SPART: variants seen among roughly 807,000 people sequenced by gnomAD.
SPART encodes the protein spastic paraplegia 20 (Troyer syndrome).
In SPART, 35 loss-of-function variants were observed where a neutral mutation model predicts 58.7. The observed-to-expected ratio is 0.60, with a 90% CI of 0.46 to 0.79. SPART has a LOEUF of 0.79. Ranked by LOEUF, SPART falls within the 30% of genes least tolerant of loss-of-function variation. The probability of loss-of-function intolerance (pLI) is 0.00; values close to 1 mark genes in which losing one functional copy is unlikely to be tolerated. For synonymous variants in SPART, 284 were observed against 280.7 expected, an observed-to-expected ratio of 1.01 and a Z score of -0.12; for missense variants, 730 against 786.1, an observed-to-expected ratio of 0.93 and a Z score of 0.85.
chr13:36,301,791 GTC>G lies in SPART; in HGVS notation c.*2572_*2573del, dbSNP rs1880010509. The G allele has an allele frequency of 6.6e-6, 1 of 152,116 alleles. No individual in the cohort carries two copies. Among genetic ancestry groups the G allele is most frequent in the South Asian group, 2.1e-4 (1 of 4,828 alleles). 9.4% of individuals were successfully genotyped at this position (152,116 alleles called of 1,614,324 possible). On this transcript the variant is annotated 3_prime_UTR_variant, in exon 9 of 9. Coordinates refer to ENST00000438666, the MANE Select transcript of SPART (RefSeq NM_015087.5). ...CAACAACTCCACTCTTACGCATAAA[GTC>G]TCTTGCATATGTGTACCAGGGGACA...
intron 8 of SPART, among the ~76,000 whole-genome samples, chr13:36,308,944 T>C (rs1265572668): frequency 2.0e-5 from 3 of 152,124 alleles, no homozygotes; most frequent in Non-Finnish European, 4.4e-5. Flanking sequence ...CTCTCAACTC[T>C]TGGTAAAACT....
chr13:36,370,082 T>A (rs1886212099), intron 1 of SPART: 1 of 152,228 alleles, frequency 6.6e-6, no homozygotes, highest in African/African-American at 2.4e-5. Flanking sequence ...TTTATCTCTT[T>A]ACTCACTCAA....
chr13:36,341,673 A>G (rs1211023479), intron 1 of SPART, among the ~76,000 whole-genome samples: 1 of 152,230 alleles, frequency 6.6e-6, no homozygotes, highest in Non-Finnish European at 1.5e-5. Context: ...GCATCACAGA[A>G]AGCATTCATT....
intron 1 of SPART, among the ~76,000 whole-genome samples, chr13:36,353,075 T>C (rs1885482788): frequency 6.6e-6 from 1 of 152,262 alleles, no homozygotes; most frequent in Non-Finnish European, 1.5e-5. Context: ...TTTGCTGTTG[T>C]GATGTATGAA....
At chr13:36,338,986 C>T (rs1884294027) in intron 1 of SPART, among the ~76,000 whole-genome samples, 1 of 151,884 alleles carries the variant, frequency 6.6e-6, no homozygotes, top group South Asian at 2.1e-4. Context: ...CACACACAGA[C>T]ACACACACAG....
chr13:36,335,552 T>C lies in SPART; in HGVS notation c.279A>G (p.Glu93=). The C allele has an allele frequency of 6.2e-7, 1 of 1,614,190 alleles. No homozygotes were observed. Among genetic ancestry groups the C allele is most frequent in the Non-Finnish European group, 8.5e-7 (1 of 1,180,044 alleles). Residue 93 remains glutamate (E), a synonymous_variant, in exon 2 of 9, where the codon GAA becomes GAG. Coordinates refer to ENST00000438666, the MANE Select transcript of SPART (RefSeq NM_015087.5). ...AAGTGGCAAGACCCTTCTCTAGAATTTCCAGCCTGGTGCGTACATTCTGTA... is the reference window on the plus strand; with the variant it reads ...AAGTGGCAAGACCCTTCTCTAGAATCTCCAGCCTGGTGCGTACATTCTGTA... ...ETLQNVRTRL[E]ILEKGLATSL...
At position 36,329,436 on chromosome 13, in the gene SPART, C is replaced by T; in HGVS notation, c.1090G>A (p.Ala364Thr). 6.2e-7 allele frequency: 1 copy of T among 1,614,142 alleles called. No homozygotes were observed. The highest frequency in any genetic ancestry group is 1.7e-5 in the Admixed American group (1 of 60,026). Reference sequence around the variant, plus strand: ...AACTGTTTCACATCAGTGCCAGAGGCTTCTTTTAGTTGGTCAGAGGAGGGT... The same window carrying T: ...AACTGTTTCACATCAGTGCCAGAGGTTTCTTTTAGTTGGTCAGAGGAGGGT... Reference protein sequence around the residue: ...TRPSSDQLKEASGTDVKQLDQ... With the variant: ...TRPSSDQLKETSGTDVKQLDQ... The change falls in exon 4 of 9, where the codon GCC (alanine) becomes ACC (threonine). Residue 364 changes from alanine (A) to threonine (T), a missense_variant. Physicochemically the swap from Ala to Thr is moderately conservative, Grantham distance 58 (BLOSUM62 0). Coordinates refer to ENST00000438666, the MANE Select transcript of SPART (RefSeq NM_015087.5).
upstream of SPART, among the ~76,000 whole-genome samples, chr13:36,348,980 C>T (rs1885306287): frequency 6.6e-6 from 1 of 152,088 alleles, no homozygotes. Context: ...TACAAAGCTG[C>T]AGGCCAGGCA....
chr13:36,359,938 A>AAAAAC (rs1555266133), intron 1 of SPART, among the ~76,000 whole-genome samples: 22 of 151,376 alleles, frequency 1.5e-4, no homozygotes, highest in Admixed American at 6.6e-5. Flanking sequence ...AAAAAAAAAA[A>AAAAAC]AAAACACCTC....
chr13:36,342,181 C>T (rs1486766533), intron 1 of SPART, among the ~76,000 whole-genome samples: 1 of 152,176 alleles, frequency 6.6e-6, no homozygotes, highest in African/African-American at 2.4e-5. Context: ...GAGTACTTAA[C>T]ATATGCTGGA....
At chr13:36,344,358 G>T (rs1436249124) in intron 1 of SPART, among the ~76,000 whole-genome samples, 1 of 152,282 alleles carries the variant, frequency 6.6e-6, no homozygotes, top group South Asian at 2.1e-4. Flanking sequence ...GGAACAAGAT[G>T]GCTACTGAGA....
upstream of SPART, among the ~76,000 whole-genome samples, chr13:36,349,828 G>A (rs150711538): frequency 1.1e-3 from 175 of 152,328 alleles, no homozygotes; most frequent in African/African-American, 4.0e-3. Flanking sequence ...GTGGGGGAAA[G>A]TATTATGGGC....
At chr13:36,366,091 C>T (rs1886043929) in intron 1 of SPART, among the ~76,000 whole-genome samples, 1 of 152,158 alleles carries the variant, frequency 6.6e-6, no homozygotes. Context: ...GCTTAAAAAC[C>T]TTGAATGACT....
intron 4 of SPART, among the ~76,000 whole-genome samples, chr13:36,327,380 C>A (rs546119270): frequency 7.0e-4 from 106 of 152,226 alleles, no homozygotes; most frequent in African/African-American, 2.4e-3. Flanking sequence ...AAGAATGTCA[C>A]ATAAAATATA....
chr13:36,310,722 T>G (rs747371866), intron 8 of SPART, among the ~76,000 whole-genome samples: 1 of 152,028 alleles, frequency 6.6e-6, no homozygotes, highest in Admixed American at 6.5e-5. Context: ...GCCATGTAAA[T>G]GTTCCCCTGT....
At chr13:36,360,352 A>G (rs890595305) in intron 1 of SPART, among the ~76,000 whole-genome samples, 2 of 152,026 alleles carry the variant, frequency 1.3e-5, no homozygotes, top group Non-Finnish European at 2.9e-5. Flanking sequence ...TAGAATGATG[A>G]ATGTTAGAGC....
intron 5 of SPART, among the ~76,000 whole-genome samples, chr13:36,318,210 C>A (rs1593234976): frequency 1.3e-5 from 2 of 152,314 alleles, no homozygotes; most frequent in South Asian, 2.1e-4. Context: ...CCTCCTCACA[C>A]CTGGTCTGGC....
chr13:36,353,613 G>A (rs533055547), intron 1 of SPART, among the ~76,000 whole-genome samples: 1 of 152,278 alleles, frequency 6.6e-6, no homozygotes, highest in East Asian at 1.9e-4. Context: ...TTTGCTCTGG[G>A]TTGGGCGCTG....
chr13:36,362,969 C>T (rs937401580), intron 1 of SPART, among the ~76,000 whole-genome samples: 6 of 152,088 alleles, frequency 3.9e-5, no homozygotes, highest in Non-Finnish European at 8.8e-5. Context: ...ACTGCTAAAT[C>T]GGGGCTTCCC....
Sources: gnomAD v4.1 joint callset for allele counts (sites outside exome capture counted in the v4.1 genomes callset) on GRCh38, gnomAD v4.1.1 for gene constraint, MANE v1.5 for transcripts, NCBI Gene and HGNC (gene_info 2026-07-23, HGNC 2026-07-21) for gene names.